The following GABRR1 variants were observed in gnomAD, a reference collection of about 807,000 sequenced individuals.
GABRR1 encodes the protein gamma-aminobutyric acid receptor subunit rho-1.
A neutral mutation model predicts 55.5 loss-of-function variants in GABRR1; 59 were observed. The observed-to-expected ratio is 1.06, with a 90% CI of 0.86 to 1.32. GABRR1 has a LOEUF of 1.32. GABRR1 is among the 40% of genes most tolerant of loss of function. The probability of loss-of-function intolerance (pLI) is 0.00; values close to 1 mark genes in which losing one functional copy is unlikely to be tolerated. For missense variants in GABRR1, 602 were observed against 619.1 expected, an observed-to-expected ratio of 0.97 and a Z score of 0.29; for synonymous variants, 213 against 226.0, an observed-to-expected ratio of 0.94 and a Z score of 0.51.
intron 1 of GABRR1, among the ~76,000 whole-genome samples, chr6:89,223,143 C>G (rs1180651008): frequency 6.6e-6 from 1 of 151,812 alleles, no homozygotes; most frequent in African/African-American, 2.4e-5. Flanking sequence ...TTCGGTGCAC[C>G]CATCACCCAA....
chr6:89,209,171 G>C (rs1772744183), intron 1 of GABRR1, among the ~76,000 whole-genome samples: 2 of 151,818 alleles, frequency 1.3e-5, no homozygotes, highest in African/African-American at 2.4e-5. Context: ...TCTCAGCCTA[G>C]ATCATCCCTT....
At chr6:89,193,684 C>T (rs942410846) in intron 5 of GABRR1, among the ~76,000 whole-genome samples, 1 of 152,168 alleles carries the variant, frequency 6.6e-6, no homozygotes, top group African/African-American at 2.4e-5. Flanking sequence ...TTAAATGTCA[C>T]ATTAAAAAAC....
intron 2 of GABRR1, among the ~76,000 whole-genome samples, chr6:89,202,523 C>T (rs950138069): frequency 6.6e-6 from 1 of 151,690 alleles, no homozygotes; most frequent in Non-Finnish European, 1.5e-5. Flanking sequence ...AAACTCCTGG[C>T]CTCAAGTGAT....
chr6:89,203,581 T>C, intron 1 of GABRR1, 96 bp from the exon 2 acceptor site: 1 of 876,548 alleles, frequency 1.1e-6, no homozygotes, highest in Non-Finnish European at 1.9e-6. Context: ...TTCAAATCTA[T>C]CCAGAATAAA....
At chr6:89,200,561 C>A (rs12198606) in intron 3 of GABRR1, among the ~76,000 whole-genome samples, 4 of 148,540 alleles carry the variant, frequency 2.7e-5, no homozygotes, top group Non-Finnish European at 5.9e-5. Flanking sequence ...CATGCCCGGC[C>A]GAGAATGATT....
rs1202162702 is a variant in GABRR1, at chr6:89,180,322, CTGCACAGT to C, written c.1108_1115del (p.Thr370GlyfsTer31). 2 of 1,613,854 alleles carry C rather than the reference CTGCACAGT, an allele frequency of 1.2e-6. No homozygotes were observed. The highest frequency in any genetic ancestry group is 1.7e-6 in the Non-Finnish European group (2 of 1,179,840). ...CCCGCAGCTTCTGTTCCTTCCTCTC[CTGCACAGT>C]GGTCAGGTAGTTGACGGCCGCATAC... On this transcript the variant is annotated frameshift_variant, in exon 9 of 10. Coordinates refer to ENST00000454853, the MANE Select transcript of GABRR1 (RefSeq NM_002042.5). LOFTEE classifies it high-confidence loss of function.
At position 89,210,252 on chromosome 6, in the gene GABRR1, G is replaced by A. The variant is rs565179690; in HGVS notation, c.123-6767C>T. ...TCTGTCACCCAGGCTGGAATGCAGC[G>A]TTGCAATCTCAGCTCACTGCAGCCT... On this transcript the variant is annotated intron_variant, in intron 1 of 9. Coordinates refer to ENST00000454853, the MANE Select transcript of GABRR1 (RefSeq NM_002042.5). Among the ~76,000 whole-genome samples the A allele has an allele frequency of 1.1e-4, 15 of 130,604 alleles. No individual in the cohort carries two copies. The South Asian group carries it at 1.4e-3, about 13-fold the overall frequency. 85.7% of individuals were successfully genotyped at this position (130,604 alleles called of 152,430 possible).
At chr6:89,211,842 T>C (rs868277343) in intron 1 of GABRR1, among the ~76,000 whole-genome samples, 24 of 152,168 alleles carry the variant, frequency 1.6e-4, no homozygotes, top group Non-Finnish European at 7.3e-5. Context: ...CAGCTCTACA[T>C]TGAGTCCCCT....
chr6:89,213,414 G>A (rs769810068), intron 1 of GABRR1, among the ~76,000 whole-genome samples: 12 of 152,284 alleles, frequency 7.9e-5, no homozygotes, highest in African/African-American at 1.9e-4. Flanking sequence ...TTGGGTTGAC[G>A]TAACATTCTG....
intron 7 of GABRR1, 120 bp from the exon 8 acceptor site, chr6:89,182,177 G>T: frequency 1.1e-6 from 1 of 891,912 alleles, no homozygotes; most frequent in Non-Finnish European, 1.7e-6. Context: ...TCTTTATAAG[G>T]TGAAATTGAG....
intron 3 of GABRR1, 129 bp downstream of exon 3, chr6:89,201,030 T>C: frequency 1.5e-6 from 1 of 688,970 alleles, no homozygotes; most frequent in Non-Finnish European, 2.6e-6. Context: ...CTCGATGTCT[T>C]GTCCACCAAG....
At chr6:89,191,052 GT>G (rs1562291399) in intron 5 of GABRR1, among the ~76,000 whole-genome samples, 9 of 152,222 alleles carry the variant, frequency 5.9e-5, no homozygotes, top group Non-Finnish European at 1.2e-4. Flanking sequence ...CGCAAAAGTT[GT>G]GGAAATTATA....
intron 5 of GABRR1, among the ~76,000 whole-genome samples, chr6:89,195,694 A>G (rs1772244762): frequency 6.6e-6 from 1 of 152,230 alleles, no homozygotes; most frequent in Non-Finnish European, 1.5e-5. Context: ...ACAAAAGTAA[A>G]AAATACTCAT....
At chr6:89,182,896 T>TTATA (rs1030027670) in intron 7 of GABRR1, among the ~76,000 whole-genome samples, 2 of 151,466 alleles carry the variant, frequency 1.3e-5, no homozygotes, top group Admixed American at 1.3e-4. Flanking sequence ...AAAAATAATT[T>TTATA]TATATATATA....
At chr6:89,209,782 C>G (rs532109288) in intron 1 of GABRR1, among the ~76,000 whole-genome samples, 1 of 152,262 alleles carries the variant, frequency 6.6e-6, no homozygotes, top group African/African-American at 2.4e-5. Context: ...CCCAGGGGAG[C>G]CACAAACTAG....
At chr6:89,216,911 T>A (rs1773000154) in intron 1 of GABRR1, among the ~76,000 whole-genome samples, 2 of 152,204 alleles carry the variant, frequency 1.3e-5, no homozygotes, top group African/African-American at 2.4e-5. Flanking sequence ...GATATTTTTT[T>A]TAAATGTGCA....
intron 2 of GABRR1, among the ~76,000 whole-genome samples, chr6:89,202,195 A>AT: frequency 6.6e-6 from 1 of 152,170 alleles, no homozygotes; most frequent in Non-Finnish European, 1.5e-5. Flanking sequence ...GCAGTTGACA[A>AT]TTTTTTAAAA....
intron 1 of GABRR1, among the ~76,000 whole-genome samples, chr6:89,210,785 C>T (rs1582403509): frequency 6.6e-6 from 1 of 152,232 alleles, no homozygotes; most frequent in East Asian, 1.9e-4. Flanking sequence ...TAAATGCGCC[C>T]TCAAGGGACT....
chr6:89,217,404 T>G (rs958916108), upstream of GABRR1: 31 of 1,492,656 alleles, frequency 2.1e-5, no homozygotes, highest in Non-Finnish European at 2.8e-5. Flanking sequence ...ACATTATTGG[T>G]CTGTTCATTA....
Sources: allele counts gnomAD v4.1 joint callset (sites outside exome capture counted in the v4.1 genomes callset), GRCh38; gene constraint gnomAD v4.1.1; transcripts MANE v1.5; gene names NCBI Gene and HGNC (gene_info 2026-07-23, HGNC 2026-07-21).